PTCH1: variants seen among roughly 807,000 people sequenced by gnomAD.
PTCH1 encodes patched 1.
Under a neutral mutation model 144.6 loss-of-function variants are expected in PTCH1, and 14 were observed. The ratio of observed to expected loss-of-function variants is 0.10; its 90% CI spans 0.06 to 0.15. PTCH1 has a LOEUF of 0.15. PTCH1 is among the 10% of genes least tolerant of loss of function. PTCH1 has a pLI of 1.00. For synonymous variants in PTCH1, 833 were observed against 793.6 expected (o/e 1.05, Z -0.83); for missense variants, 1,623 against 1,948.3 (o/e 0.83, Z 3.14).
chr9:95,464,156 G>A (rs1007093457), intron 15 of PTCH1, among the ~76,000 whole-genome samples: 5 of 152,172 alleles, frequency 3.3e-5, no homozygotes, highest in East Asian at 1.9e-4. Context: ...AGATGAATAC[G>A]AAACAGTCAT....
intron 15 of PTCH1, 62 bp from the exon 16 acceptor site, chr9:95,462,060 C>T (rs937968719): frequency 3.6e-5 from 58 of 1,604,282 alleles, no homozygotes; most frequent in East Asian, 3.3e-4. Flanking sequence ...CTGGTCCTAG[C>T]GGGGTGGGCT....
intron 1 of PTCH1, 87 bp from the exon 2 acceptor site, chr9:95,506,686 C>T (rs1843679601): frequency 6.4e-6 from 7 of 1,088,120 alleles, no homozygotes; most frequent in Middle Eastern, 3.0e-4. Context: ...GCCCGGTGAG[C>T]CCCCAACAGC....
chr9:95,460,087 T>C, intron 16 of PTCH1: 1 of 431,646 alleles, frequency 2.3e-6, no homozygotes, highest in Non-Finnish European at 4.3e-6. Flanking sequence ...ATGAACAATC[T>C]GGAGAAACAT....
rs187232282 is a variant in PTCH1, at chr9:95,448,686, T to G, written c.3804+383A>C. Among the ~76,000 whole-genome samples, 11 of 151,490 alleles carry G rather than the reference T, an allele frequency of 7.3e-5. No individual in the cohort carries two copies. In the East Asian group the frequency reaches 1.9e-3, roughly 27 times the overall value. On this transcript the variant is annotated intron_variant, in intron 22 of 23. Transcript: ENST00000331920. ...CCTCTGTTGGCAATAAAAATACTAC[T>G]AGTTTTAGAAAATATCACTCTCAAA...
chr9:95,466,086 C>T (rs1042793939), intron 15 of PTCH1, among the ~76,000 whole-genome samples: 5 of 152,104 alleles, frequency 3.3e-5, no homozygotes, highest in Admixed American at 6.6e-5. Context: ...TCGCTCTTGT[C>T]GCCCAGGCTG....
At chr9:95,510,950 G>A (rs1162083931), upstream of PTCH1, among the ~76,000 whole-genome samples, 1 of 150,388 alleles carries the variant, frequency 6.6e-6, no homozygotes, top group Non-Finnish European at 1.5e-5. Context: ...CCTCCAGCGC[G>A]GTCTCCCGAG....
chr9:95,487,401 C>G (rs1039296184), intron 2 of PTCH1, among the ~76,000 whole-genome samples: 2 of 152,216 alleles, frequency 1.3e-5, no homozygotes, highest in African/African-American at 4.8e-5. Flanking sequence ...AAGGAAAAAT[C>G]ACAGGAAAAC....
intron 14 of PTCH1, among the ~76,000 whole-genome samples, chr9:95,468,221 T>A (rs1432328422): frequency 6.6e-6 from 1 of 152,210 alleles, no homozygotes; most frequent in Non-Finnish European, 1.5e-5. Context: ...CACATCACCA[T>A]GCCCAGGCAA....
At position 95,476,751 on chromosome 9, in the gene PTCH1, T is replaced by C. The variant is rs1554698205; in HGVS notation, c.1602+8A>G. On this transcript the variant is annotated splice_region_variant and intron_variant, in intron 11 of 23. Transcript: ENST00000331920. The surrounding 1 kb of genome is among the most constrained non-coding windows in gnomAD (Gnocchi z 4.6). ...CCCCAAAGCTCTCTTCTTTTGTTTT[T>C]GCATTACCTCAAAAGGGATTCTTTT... is the stretch of plus-strand genomic sequence containing the variant. 8 of 1,611,816 alleles carry C rather than the reference T, an allele frequency of 5.0e-6. No homozygotes were observed. The highest frequency in any genetic ancestry group is 6.8e-6 in the Non-Finnish European group (8 of 1,178,270).
Position 95,467,432 on chromosome 9 carries a change from C to T in PTCH1, c.2251-7G>A, listed in dbSNP as rs1459536795. On this transcript the variant is annotated splice_polypyrimidine_tract_variant and splice_region_variant and intron_variant, in intron 14 of 23. Coordinates refer to ENST00000331920, the MANE Select transcript of PTCH1 (RefSeq NM_000264.5). ...AAAGGAAGATCACCACTACCTGGAA[C>T]AGAAGAGGCACAAGGTCAGACCCCA... 1.2e-6 allele frequency: 2 copies of T among 1,613,626 alleles called. No individual in the cohort carries two copies. Among genetic ancestry groups the T allele is most frequent in the African/African-American group, 1.3e-5 (1 of 74,932 alleles).
At chr9:95,488,028 G>A (rs898491671) in intron 2 of PTCH1, among the ~76,000 whole-genome samples, 2 of 152,142 alleles carry the variant, frequency 1.3e-5, no homozygotes, top group Non-Finnish European at 2.9e-5. Flanking sequence ...AGAGTGCAGT[G>A]TGCACAAAAA....
rs1382732107 is a variant in PTCH1, at chr9:95,445,629, A to AGCC, written c.*761_*763dup. 1.3e-5 allele frequency: 2 copies of AGCC among 151,818 alleles called. No homozygotes were observed. The highest frequency in any genetic ancestry group is 2.9e-5 in the Non-Finnish European group (2 of 67,830). 9.4% of individuals were successfully genotyped at this position (151,818 alleles called of 1,614,324 possible). On this transcript the variant is annotated 3_prime_UTR_variant, in exon 24 of 24. Transcript: ENST00000331920. ...AAGGATTAGGTGGATGTTTAGGGCCAGCCCTCACCAGCACGAAGAAAAGAT... is the reference window on the plus strand; with the variant it reads ...AAGGATTAGGTGGATGTTTAGGGCCAGCCGCCCTCACCAGCACGAAGAAAAGAT...
At position 95,449,918 on chromosome 9, in the gene PTCH1, T is replaced by G. The variant is rs368636457; in HGVS notation, c.3472A>C (p.Ile1158Leu). 5.0e-6 allele frequency: 8 copies of G among 1,613,932 alleles called. No homozygotes were observed. The highest frequency in any genetic ancestry group is 3.3e-4 in the Middle Eastern group (2 of 6,082). Residue 1158 changes from isoleucine to leucine, a missense_variant, in exon 21 of 24, where the codon ATC becomes CTC. Ile to Leu is a conservative substitution (Grantham distance 5). Around this residue, in one of 7 missense-constraint regions of PTCH1, gnomAD observed 504 missense variants for 679.3 expected, o/e 0.74. Coordinates refer to ENST00000331920, the MANE Select transcript of PTCH1 (RefSeq NM_000264.5). This position sits in a 1 kb window ranked among gnomAD's most constrained non-coding sequence, Gnocchi z 5.3. ...IVRYFFAVLA[I>L]LTILGVLNGL... ...TTGAGAACGCCGAGGATGGTGAGGA[T>G]CGCCAGCACAGCAAAGAAATACCTG...
At chr9:95,514,089 G>T (rs28410513), upstream of PTCH1, 31,508 of 151,918 alleles carry the variant, frequency 0.21, 3,460 homozygotes, top group Non-Finnish European at 0.23. Context: ...CTTGAAAGGG[G>T]AATTAGACTT....
At chr9:95,463,982 G>A (rs963607739) in intron 15 of PTCH1, among the ~76,000 whole-genome samples, 13 of 152,176 alleles carry the variant, frequency 8.5e-5, no homozygotes, top group Non-Finnish European at 1.3e-4. Context: ...CAAAATCTGG[G>A]GGCGGTTTTA....
chr9:95,479,174 A>T (rs1841337329), intron 7 of PTCH1, 27 bp from the exon 8 acceptor site: 1 of 1,613,920 alleles, frequency 6.2e-7, no homozygotes, highest in South Asian at 1.1e-5. Flanking sequence ...GGGAAGGCAC[A>T]TCATCAGTAT....
intron 2 of PTCH1, among the ~76,000 whole-genome samples, chr9:95,506,069 C>T (rs1321752407): frequency 1.4e-5 from 2 of 147,832 alleles, no homozygotes; most frequent in African/African-American, 4.9e-5. Flanking sequence ...GGGCGCCTCT[C>T]GGGGCGCGGC....
chr9:95,494,384 C>T, intron 2 of PTCH1: 2 of 985,518 alleles, frequency 2.0e-6, no homozygotes, highest in Non-Finnish European at 2.4e-6. Flanking sequence ...GCTGCATCTG[C>T]CAGGAGGCCC....
At position 95,508,278 on chromosome 9, in the gene PTCH1, A is replaced by C. The variant is rs1256433959; in HGVS notation, c.84T>G (p.Ala28=). The change falls in exon 1 of 24, where the codon GCT becomes GCG. Residue 28 remains alanine, a synonymous_variant. Transcript: ENST00000331920. The part of the protein sequence containing the change: ...SGCIGAPGRP[A]GGGRRRRTGG... ...CCGTCCGTCTGCGCCTCCCGCCTCC[A>C]GCCGGCCGTCCCGGGGCACCGATAC... 3 of 1,561,374 alleles carry C rather than the reference A, an allele frequency of 1.9e-6. No homozygotes were observed. Among genetic ancestry groups the C allele is most frequent in the Non-Finnish European group, 2.6e-6 (3 of 1,156,918 alleles).
Sources: gnomAD v4.1 joint callset for allele counts (sites outside exome capture counted in the v4.1 genomes callset) on GRCh38, gnomAD v4.1.1 for gene constraint, gnomAD v4.1.1 regional missense constraint, Gnocchi (gnomAD v3.1) non-coding constraint, MANE v1.5 for transcripts, NCBI Gene and HGNC (gene_info 2026-07-23, HGNC 2026-07-21) for gene names.